The following SEMA3A variants were observed in gnomAD, a reference collection of about 807,000 sequenced individuals.
SEMA3A encodes the protein semaphorin-3A.
Under a neutral mutation model 97.9 loss-of-function variants are expected in SEMA3A, and 29 were observed. The observed-to-expected ratio is 0.30, with a 90% CI of 0.22 to 0.40. The LOEUF (loss-of-function observed/expected upper bound fraction) is 0.40, where lower values mean the gene tolerates loss of function less well. Ranked by LOEUF, SEMA3A falls within the 10% of genes least tolerant of loss-of-function variation. The pLI, the probability that SEMA3A is intolerant of heterozygous loss-of-function variation, is 1.00. For missense variants in SEMA3A, 763 were observed against 951.3 expected, an observed-to-expected ratio of 0.80 and a Z score of 2.60; for synonymous variants, 321 against 323.7, an observed-to-expected ratio of 0.99 and a Z score of 0.09.
intron 1 of SEMA3A, among the ~76,000 whole-genome samples, chr7:84,408,860 G>C (rs3953396): frequency 0.32 from 48,062 of 151,318 alleles, 9,168 homozygotes; most frequent in African/African-American, 0.54. Context: ...TACATGGACA[G>C]AGGAAGGGGA....
At chr7:84,194,359 C>A (rs1238836493) in intron 1 of SEMA3A, 116 bp downstream of exon 1, 10 of 668,420 alleles carry the variant, frequency 1.5e-5, no homozygotes, top group Admixed American at 2.5e-5. Context: ...ATAATCACGT[C>A]GGTTTACCAG....
chr7:84,283,300 C>A (rs777424459), intron 3 of SEMA3A, among the ~76,000 whole-genome samples: 1 of 152,014 alleles, frequency 6.6e-6, no homozygotes, highest in African/African-American at 2.4e-5. Context: ...CATCAATACA[C>A]GCGTGTGTTA....
chr7:84,453,189 G>A (rs1158541994), intron 1 of SEMA3A, among the ~76,000 whole-genome samples: 1 of 151,530 alleles, frequency 6.6e-6, no homozygotes, highest in African/African-American at 2.4e-5. Flanking sequence ...AACGTGGAAA[G>A]AGAGATGAAT....
At chr7:84,392,944 T>C (rs1003501862) in intron 1 of SEMA3A, among the ~76,000 whole-genome samples, 2 of 152,076 alleles carry the variant, frequency 1.3e-5, no homozygotes, top group African/African-American at 2.4e-5. Context: ...TGGATACTAA[T>C]TCCTTATCAG....
chr7:83,964,852 T>G (rs1473571157), intron 15 of SEMA3A, among the ~76,000 whole-genome samples: 1 of 149,886 alleles, frequency 6.7e-6, no homozygotes, highest in Non-Finnish European at 1.5e-5. Context: ...GTATAGGCTG[T>G]TTTTTTTTCC....
chr7:84,253,400 T>A (rs1052086594), intron 3 of SEMA3A, among the ~76,000 whole-genome samples: 1 of 151,984 alleles, frequency 6.6e-6, no homozygotes, highest in South Asian at 2.1e-4. Context: ...TCACAATGTG[T>A]CTATTAGATT....
chr7:84,308,464 C>T (rs979625250), intron 2 of SEMA3A, among the ~76,000 whole-genome samples: 3 of 152,116 alleles, frequency 2.0e-5, no homozygotes, highest in Non-Finnish European at 4.4e-5. Context: ...AGATGGAAAA[C>T]AAGTTCTTTG....
intron 1 of SEMA3A, among the ~76,000 whole-genome samples, chr7:84,473,141 G>GGGGTGTGTGT (rs1554393542): frequency 7.1e-6 from 1 of 141,444 alleles, no homozygotes; most frequent in African/African-American, 2.6e-5. Context: ...AAAAAGAAAT[G>GGGGTGTGTGT]GTGTGTGTGT....
intron 3 of SEMA3A, among the ~76,000 whole-genome samples, chr7:84,265,788 C>T (rs900672755): frequency 2.6e-5 from 4 of 151,896 alleles, no homozygotes; most frequent in Non-Finnish European, 5.9e-5. Flanking sequence ...CCCCACAATT[C>T]TGAACACTTT....
At chr7:84,087,436 G>T (rs920780631) in intron 4 of SEMA3A, among the ~76,000 whole-genome samples, 1 of 152,210 alleles carries the variant, frequency 6.6e-6, no homozygotes. Context: ...CCAGGGGCTA[G>T]TGTTCTACAG....
intron 1 of SEMA3A, among the ~76,000 whole-genome samples, chr7:84,400,834 C>G (rs1016027745): frequency 3.9e-5 from 6 of 152,066 alleles, no homozygotes; most frequent in African/African-American, 1.4e-4. Context: ...CTTTCATGAC[C>G]AAAGCTCTCA....
intron 12 of SEMA3A, among the ~76,000 whole-genome samples, chr7:84,000,451 G>C (rs868866056): frequency 6.6e-6 from 1 of 152,018 alleles, no homozygotes; most frequent in Non-Finnish European, 1.5e-5. Context: ...AGGCTACTGG[G>C]AATGTAGCTC....
chr7:84,206,484 G>A (rs1289961673), intron 3 of SEMA3A, among the ~76,000 whole-genome samples: 1 of 151,996 alleles, frequency 6.6e-6, no homozygotes, highest in Admixed American at 6.6e-5. Flanking sequence ...ACCACGCCTG[G>A]CTAATTTTTT....
intron 3 of SEMA3A, among the ~76,000 whole-genome samples, chr7:84,216,345 C>A (rs1798755968): frequency 6.6e-6 from 1 of 152,030 alleles, no homozygotes; most frequent in South Asian, 2.1e-4. Context: ...GACCTCATGA[C>A]CCACCTGCCT....
At chr7:84,385,909 G>A (rs1249631032) in intron 1 of SEMA3A, among the ~76,000 whole-genome samples, 1 of 152,088 alleles carries the variant, frequency 6.6e-6, no homozygotes, top group African/African-American at 2.4e-5. Context: ...AATCTATTCT[G>A]AGCCCATTTC....
intron 1 of SEMA3A, among the ~76,000 whole-genome samples, chr7:84,378,332 GGATAAA>G (rs758166416): frequency 1.3e-4 from 20 of 152,086 alleles, no homozygotes; most frequent in Non-Finnish European, 2.4e-4. Flanking sequence ...ATGATAGACT[GGATAAA>G]GAAAATGTGG....
chr7:84,029,955 C>T (rs1332295324), intron 6 of SEMA3A, among the ~76,000 whole-genome samples: 2 of 151,838 alleles, frequency 1.3e-5, no homozygotes, highest in Admixed American at 6.6e-5. Context: ...AAAAGATGAT[C>T]GTCTTTTTAC....
intron 1 of SEMA3A, among the ~76,000 whole-genome samples, chr7:84,403,895 G>C (rs1415756354): frequency 2.6e-5 from 4 of 152,020 alleles, no homozygotes; most frequent in African/African-American, 4.8e-5. Flanking sequence ...CCCATCTGTA[G>C]GTCACCATCA....
At chr7:84,371,480 GGT>G (rs1562923344) in intron 2 of SEMA3A, among the ~76,000 whole-genome samples, 4 of 151,520 alleles carry the variant, frequency 2.6e-5, no homozygotes, top group Non-Finnish European at 5.9e-5. Context: ...AAAGCATTTA[GGT>G]CTTAATTGTT....
Sources: allele counts gnomAD v4.1 joint callset (sites outside exome capture counted in the v4.1 genomes callset), GRCh38; gene constraint gnomAD v4.1.1; transcripts MANE v1.5; gene names NCBI Gene and HGNC (gene_info 2026-07-23, HGNC 2026-07-21).